FHAD1: variants seen among roughly 807,000 people sequenced by gnomAD.
FHAD1 encodes the protein forkhead associated phosphopeptide binding domain 1.
FHAD1 carries 146 observed loss-of-function variants against 191.3 expected under a neutral mutation model. The observed-to-expected ratio is 0.76, with a 90% CI of 0.67 to 0.88. The LOEUF (loss-of-function observed/expected upper bound fraction) is 0.88, where lower values mean the gene tolerates loss of function less well. Among genes scored for constraint, FHAD1 ranks in the 40% least tolerant of loss-of-function variants. The pLI is 0.00. For missense variants in FHAD1, 1,635 were observed against 1,785.8 expected (o/e 0.92, Z 1.52); for synonymous variants, 616 against 672.3 (o/e 0.92, Z 1.29).
intron 20 of FHAD1, among the ~76,000 whole-genome samples, chr1:15,353,830 C>G (rs562696693): frequency 6.6e-6 from 1 of 151,118 alleles, no homozygotes; most frequent in Non-Finnish European, 1.5e-5. Flanking sequence ...TAATTGTCAT[C>G]ACCTTCATAA....
At chr1:15,348,130 C>G (rs1471137140) in intron 18 of FHAD1, among the ~76,000 whole-genome samples, 1 of 152,230 alleles carries the variant, frequency 6.6e-6, no homozygotes, top group African/African-American at 2.4e-5. Context: ...TATGATGTCA[C>G]TTTTCTTCTG....
chr1:15,362,540 G>C, intron 22 of FHAD1, 102 bp from the exon 23 acceptor site: 1 of 909,140 alleles, frequency 1.1e-6, no homozygotes, highest in African/African-American at 1.6e-5. Flanking sequence ...GAGGGCTGCA[G>C]GTGGAGGCAG....
intron 25 of FHAD1, among the ~76,000 whole-genome samples, chr1:15,368,520 C>CAA (rs201487938): frequency 6.6e-6 from 1 of 151,786 alleles, no homozygotes; most frequent in African/African-American, 2.4e-5. Context: ...CCTGTTTTCA[C>CAA]AAAAAAAAGA....
intron 28 of FHAD1, among the ~76,000 whole-genome samples, chr1:15,379,382 T>C (rs1245056205): frequency 6.6e-6 from 1 of 152,270 alleles, no homozygotes; most frequent in Non-Finnish European, 1.5e-5. Context: ...TATTGCTGCC[T>C]GCATGTCCCA....
chr1:15,309,837 G>A (rs1671700581), intron 7 of FHAD1, among the ~76,000 whole-genome samples: 1 of 152,172 alleles, frequency 6.6e-6, no homozygotes, highest in Non-Finnish European at 1.5e-5. Flanking sequence ...GGGAGGGGCT[G>A]TCGGGAGGCC....
chr1:15,237,977 G>A lies in FHAD1; in HGVS notation c.-15+1216G>A, dbSNP rs377006551. 6.8e-4 allele frequency among the ~76,000 whole-genome samples: 103 copies of A among 151,946 alleles called. 1 individual carries two copies. In the South Asian group the frequency reaches 0.021, roughly 31 times the overall value. Reference sequence around the variant, plus strand: ...AAGATAGGAGCACTGTTGGCCAGGCGCGGTGGCTCATGCCTGTAATCCCAG... The same window carrying A: ...AAGATAGGAGCACTGTTGGCCAGGCACGGTGGCTCATGCCTGTAATCCCAG... On this transcript the variant is annotated intron_variant, in intron 1 of 33. Coordinates refer to the FHAD1 transcript ENST00000683790.
chr1:15,245,157 A>T (rs1179564163), upstream of FHAD1, among the ~76,000 whole-genome samples: 2 of 152,220 alleles, frequency 1.3e-5, no homozygotes, highest in Non-Finnish European at 2.9e-5. Context: ...CGCCCGCATG[A>T]TCCAAGCACC....
At chr1:15,386,413 C>T (rs1570558356) in intron 31 of FHAD1, among the ~76,000 whole-genome samples, 2 of 152,256 alleles carry the variant, frequency 1.3e-5, no homozygotes, top group Non-Finnish European at 2.9e-5. Flanking sequence ...GCTAGGGCTA[C>T]AGCCAAGAAA....
intron 33 of FHAD1, among the ~76,000 whole-genome samples, chr1:15,395,615 T>C (rs1423364218): frequency 6.6e-6 from 1 of 152,128 alleles, no homozygotes; most frequent in East Asian, 1.9e-4. Flanking sequence ...AGTGGGGTCA[T>C]GCACACGGCT....
At chr1:15,294,843 GC>G (rs1666383019) in intron 4 of FHAD1, among the ~76,000 whole-genome samples, 1 of 151,968 alleles carries the variant, frequency 6.6e-6, no homozygotes, top group African/African-American at 2.4e-5. Context: ...CCTGGTCAAG[GC>G]CCCCGTCTTG....
chr1:15,393,109 C>G (rs1299467726), intron 33 of FHAD1: 2 of 138,126 alleles, frequency 1.4e-5, no homozygotes, highest in Admixed American at 1.6e-4. Flanking sequence ...GAGTCTTGCT[C>G]TATTGCCCAG....
intron 32 of FHAD1, 72 bp from the exon 33 acceptor site, chr1:15,391,137 TC>T: frequency 1.2e-6 from 1 of 849,780 alleles, no homozygotes; most frequent in Non-Finnish European, 1.6e-6. Context: ...TGGAGAAAAA[TC>T]CATTTTTCTT....
At chr1:15,386,681 C>T (rs1008601550) in intron 31 of FHAD1, among the ~76,000 whole-genome samples, 1 of 152,198 alleles carries the variant, frequency 6.6e-6, no homozygotes. Context: ...GCTGGAGCCC[C>T]TAACCTTGCC....
chr1:15,398,934 C>T (rs537504097), downstream of FHAD1, among the ~76,000 whole-genome samples: 3 of 152,158 alleles, frequency 2.0e-5, no homozygotes, highest in African/African-American at 7.2e-5. Context: ...CATTCTTCAG[C>T]CTCAGCCTCC....
In FHAD1 at chr1:15,382,220, C is replaced by A. The variant is rs9919231; in HGVS notation, c.4188+27C>A. ...TGAGGCGCTGCTGCCCAGGGCAGAA[C>A]CTCCCAGGCTGCCCTGCAGCTCCCA... On this transcript the variant is annotated intron_variant, in intron 31 of 33. Coordinates refer to ENST00000688493, the MANE Select transcript of FHAD1 (RefSeq NM_001391957.1). 0.015 allele frequency: 23,364 copies of A among 1,546,226 alleles called. 2,533 individuals carry two copies. The African/African-American group carries it at 0.26, about 17-fold the overall frequency.
Position 15,372,513 on chromosome 1 carries a change from G to GCACCCACA in FHAD1, c.3448-1988_3448-1981dup, listed in dbSNP as rs148286980. 8.9e-3 allele frequency among the ~76,000 whole-genome samples: 1,361 copies of GCACCCACA among 152,282 alleles called. 59 individuals are homozygous for GCACCCACA. The East Asian group carries it at 0.1, about 11-fold the overall frequency. ...GTTACCTGTCTGCCCCATAGAAAAT[G>GCACCCACA]CACCCACAGCAGCAAGGGCTGGTCT... On this transcript the variant is annotated intron_variant, in intron 26 of 33. Transcript: ENST00000688493.
At chr1:15,303,925 A>G (rs1273694652) in intron 6 of FHAD1, among the ~76,000 whole-genome samples, 2 of 152,182 alleles carry the variant, frequency 1.3e-5, no homozygotes, top group Non-Finnish European at 1.5e-5. Flanking sequence ...ATCTTGGCTC[A>G]TAATTGAAAG....
intron 16 of FHAD1, among the ~76,000 whole-genome samples, chr1:15,344,863 T>G (rs1331654338): frequency 6.6e-6 from 1 of 152,138 alleles, no homozygotes; most frequent in Non-Finnish European, 1.5e-5. Flanking sequence ...TCTGGTAGCT[T>G]CACTTCCCCA....
At chr1:15,390,553 T>C (rs1703730916) in intron 32 of FHAD1, among the ~76,000 whole-genome samples, 1 of 151,802 alleles carries the variant, frequency 6.6e-6, no homozygotes. Context: ...AGGCATGAGG[T>C]TGGTGACCCC....
Sources: allele counts gnomAD v4.1 joint callset (sites outside exome capture counted in the v4.1 genomes callset), GRCh38; gene constraint gnomAD v4.1.1; transcripts MANE v1.5; gene names NCBI Gene and HGNC (gene_info 2026-07-23, HGNC 2026-07-21).